The following MPPED1 variants were observed in gnomAD, a reference collection of about 807,000 sequenced individuals.
The protein encoded by MPPED1 is metallophosphoesterase domain containing 1.
In MPPED1, 16 loss-of-function variants were observed where a neutral mutation model predicts 36.2. The observed-to-expected ratio is 0.44, with a 90% confidence interval of 0.30 to 0.67. The LOEUF is 0.67. MPPED1 is among the 30% of genes least tolerant of loss of function. The pLI, the probability that MPPED1 is intolerant of heterozygous loss-of-function variation, is 0.10. For synonymous variants in MPPED1, 199 were observed against 191.3 expected, an observed-to-expected ratio of 1.04 and a Z score of -0.33; for missense variants, 307 against 453.4, an observed-to-expected ratio of 0.68 and a Z score of 2.93.
At chr22:43,493,018 C>G (rs772371566) in intron 4 of MPPED1, among the ~76,000 whole-genome samples, 1 of 152,132 alleles carries the variant, frequency 6.6e-6, no homozygotes, top group Non-Finnish European at 1.5e-5. Context: ...CATAGATTTG[C>G]GTGTCTCCTG....
At chr22:43,443,334 G>C (rs959678359) in intron 3 of MPPED1, among the ~76,000 whole-genome samples, 29 of 152,276 alleles carry the variant, frequency 1.9e-4, no homozygotes, top group African/African-American at 6.5e-4. Flanking sequence ...GGTCTGATTC[G>C]GGTTTCTGAA....
At chr22:43,423,942 G>C (rs994598918) in intron 1 of MPPED1, among the ~76,000 whole-genome samples, 5 of 152,212 alleles carry the variant, frequency 3.3e-5, no homozygotes. Context: ...ACAACTCAAT[G>C]GTCTGACTAA....
At chr22:43,481,903 G>C (rs960615509) in intron 4 of MPPED1, among the ~76,000 whole-genome samples, 1 of 152,208 alleles carries the variant, frequency 6.6e-6, no homozygotes, top group Non-Finnish European at 1.5e-5. Flanking sequence ...CACTTACCAA[G>C]CCTTTCAGTC....
chr22:43,463,327 TTTTC>T (rs1183626489), intron 3 of MPPED1, among the ~76,000 whole-genome samples: 2 of 138,082 alleles, frequency 1.4e-5, no homozygotes, highest in African/African-American at 5.9e-5. Flanking sequence ...GCTTATGATT[TTTTC>T]TTTTTTTTTT....
chr22:43,470,778 C>T (rs1931348793), intron 3 of MPPED1, among the ~76,000 whole-genome samples: 1 of 152,250 alleles, frequency 6.6e-6, no homozygotes. Flanking sequence ...GGGATAGTAA[C>T]ACTTAAGTGT....
intron 2 of MPPED1, among the ~76,000 whole-genome samples, chr22:43,426,685 C>G (rs1929487834): frequency 6.6e-6 from 1 of 152,206 alleles, no homozygotes; most frequent in Non-Finnish European, 1.5e-5. Context: ...GGAGAGGGAG[C>G]TGCAGGGAAG....
At chr22:43,499,430 GGGA>G (rs1288429751) in intron 5 of MPPED1, among the ~76,000 whole-genome samples, 2 of 140,564 alleles carry the variant, frequency 1.4e-5, no homozygotes, top group Admixed American at 7.2e-5. Context: ...GTGGTGATGT[GGGA>G]GGTGGTGGTG....
intron 3 of MPPED1, among the ~76,000 whole-genome samples, chr22:43,445,858 C>G (rs1224826728): frequency 1.4e-5 from 2 of 145,658 alleles, no homozygotes; most frequent in African/African-American, 5.1e-5. Context: ...GCATGAGCCA[C>G]TGTGCCTAGC....
chr22:43,460,093 G>A (rs1176221986), intron 3 of MPPED1, among the ~76,000 whole-genome samples: 2 of 152,050 alleles, frequency 1.3e-5, no homozygotes, highest in Non-Finnish European at 2.9e-5. Context: ...TGTAGTCCCA[G>A]CTACTCAGGA....
chr22:43,499,773 A>G (rs1187644984), intron 5 of MPPED1, among the ~76,000 whole-genome samples: 15 of 5,506 alleles, frequency 2.7e-3, no homozygotes, highest in South Asian at 7.8e-3. Flanking sequence ...GGCGGTGGTG[A>G]TGGTGGAGGT....
chr22:43,444,957 A>G (rs1193363804), intron 3 of MPPED1, among the ~76,000 whole-genome samples: 1 of 152,200 alleles, frequency 6.6e-6, no homozygotes, highest in Non-Finnish European at 1.5e-5. Flanking sequence ...TTGAAAAAAA[A>G]GTTAGAGTAG....
At chr22:43,442,844 T>C (rs1187351085) in intron 3 of MPPED1, among the ~76,000 whole-genome samples, 2 of 152,194 alleles carry the variant, frequency 1.3e-5, no homozygotes, top group Admixed American at 6.5e-5. Context: ...CCGGTTCACG[T>C]ACCTCCCAGT....
chr22:43,447,883 A>ATATATATATATATATATATATATTTTTT (rs1321289636), intron 3 of MPPED1, among the ~76,000 whole-genome samples: 1 of 67,736 alleles, frequency 1.5e-5, no homozygotes, highest in Non-Finnish European at 2.6e-5. Flanking sequence ...ATATATATAT[A>ATATATATATATATATATATATATTTTTT]TTTTTTTTTT....
Position 43,447,859 on chromosome 22 carries a change from T to TTATATATATATATATATA in MPPED1, c.406+12652_406+12669dup, listed in dbSNP as rs1238294657. On this transcript the variant is annotated intron_variant, in intron 3 of 6. Coordinates refer to ENST00000443721, the MANE Select transcript of MPPED1 (RefSeq NM_001044370.2). ...TAAAAATATTTTATATATGTAAATATTATATATATATATATATATATATAT... is the reference window on the plus strand; with the variant it reads ...TAAAAATATTTTATATATGTAAATATTATATATATATATATATATATATATATATATATATATATATAT... 1.9e-3 allele frequency among the ~76,000 whole-genome samples: 118 copies of TTATATATATATATATATA among 62,484 alleles called. 4 individuals carry two copies. The highest frequency in any genetic ancestry group is 0.01 in the Middle Eastern group (1 of 96). 41.0% of individuals were successfully genotyped at this position (62,484 alleles called of 152,430 possible).
At chr22:43,424,257 T>C (rs1293250044) in intron 1 of MPPED1, among the ~76,000 whole-genome samples, 2 of 152,158 alleles carry the variant, frequency 1.3e-5, no homozygotes, top group Non-Finnish European at 2.9e-5. Flanking sequence ...TCCCTCACCA[T>C]CTCTGCCCCT....
chr22:43,460,163 C>A (rs13054855), intron 3 of MPPED1, among the ~76,000 whole-genome samples: 51,686 of 150,754 alleles, frequency 0.34, 9,232 homozygotes, highest in East Asian at 0.57. Flanking sequence ...GCCAAGATTG[C>A]GCCATTGCAC....
intron 1 of MPPED1, among the ~76,000 whole-genome samples, chr22:43,424,323 TC>T (rs1234783272): frequency 6.6e-6 from 1 of 152,042 alleles, no homozygotes; most frequent in Non-Finnish European, 1.5e-5. Context: ...TCTGGGAAAA[TC>T]CCTTCTCAGG....
intron 4 of MPPED1, among the ~76,000 whole-genome samples, chr22:43,475,562 ATG>A (rs1931530094): frequency 5.3e-5 from 1 of 18,906 alleles, no homozygotes; most frequent in African/African-American, 1.2e-4. Flanking sequence ...GATGGTGGTG[ATG>A]ATGATGGTTG....
intron 4 of MPPED1, among the ~76,000 whole-genome samples, chr22:43,497,966 T>A (rs1411224308): frequency 1.3e-5 from 2 of 148,776 alleles, no homozygotes; most frequent in East Asian, 3.9e-4. Context: ...GCTTTCTTTT[T>A]TTTTTGGTTA....
Sources: gnomAD v4.1 joint callset for allele counts (sites outside exome capture counted in the v4.1 genomes callset) on GRCh38, gnomAD v4.1.1 for gene constraint, MANE v1.5 for transcripts, NCBI Gene and HGNC (gene_info 2026-07-23, HGNC 2026-07-21) for gene names.